The following SH3D19 variants were observed in gnomAD, a reference collection of about 807,000 sequenced individuals.
SH3D19 encodes SH3 domain containing 19, also known as SH3 domain-containing protein 19.
A neutral mutation model predicts 112.1 loss-of-function variants in SH3D19; 58 were observed. That is an observed-to-expected ratio of 0.52 (90% confidence interval 0.42 to 0.64). The LOEUF (loss-of-function observed/expected upper bound fraction) is 0.64. Ranked by LOEUF, SH3D19 falls within the 30% of genes least tolerant of loss-of-function variation. The pLI, the probability that SH3D19 is intolerant of heterozygous loss-of-function variation, is 0.00. For missense variants in SH3D19, 1,090 were observed against 1,263.4 expected, an observed-to-expected ratio of 0.86 and a Z score of 2.08; for synonymous variants, 391 against 448.5, an observed-to-expected ratio of 0.87 and a Z score of 1.62.
chr4:151,189,018 T>C (rs1037927307), intron 2 of SH3D19, among the ~76,000 whole-genome samples: 5 of 152,200 alleles, frequency 3.3e-5, no homozygotes, highest in Non-Finnish European at 5.9e-5. Context: ...AAATCACCTA[T>C]GAGTTTCAGA....
chr4:151,196,545 A>G (rs1763494254), intron 2 of SH3D19, among the ~76,000 whole-genome samples: 1 of 152,176 alleles, frequency 6.6e-6, no homozygotes, highest in Admixed American at 6.5e-5. Flanking sequence ...ACCTAGAAAA[A>G]TCTGCTATTT....
At chr4:151,146,626 G>C (rs1361296765) in intron 11 of SH3D19, among the ~76,000 whole-genome samples, 3 of 152,112 alleles carry the variant, frequency 2.0e-5, no homozygotes, top group Admixed American at 2.0e-4. Flanking sequence ...TCTGCCTCCC[G>C]GGTTCAAGCA....
chr4:151,135,066 A>G lies in SH3D19; in HGVS notation c.2486+8T>C, dbSNP rs2149744735. The G allele has an allele frequency of 1.3e-6, 2 of 1,591,016 alleles. No homozygotes were observed. Among genetic ancestry groups the G allele is most frequent in the East Asian group, 2.3e-5 (1 of 44,030 alleles). ...TATTTTGTGTAAAAGAACACAAATA[A>G]AACTTACTTAACACAATGAGATGAA... On this transcript the variant is annotated splice_region_variant and intron_variant, in intron 15 of 19. Coordinates refer to ENST00000604030, the MANE Select transcript of SH3D19 (RefSeq NM_001378122.1).
intron 2 of SH3D19, among the ~76,000 whole-genome samples, chr4:151,209,705 A>G (rs761269770): frequency 1.3e-5 from 2 of 152,230 alleles, no homozygotes; most frequent in Non-Finnish European, 2.9e-5. Context: ...TTGGGCACAG[A>G]CAGTCCAGAT....
chr4:151,145,492 C>A (rs550402554), intron 11 of SH3D19, among the ~76,000 whole-genome samples: 1 of 152,298 alleles, frequency 6.6e-6, no homozygotes, highest in Admixed American at 6.5e-5. Context: ...CGCAAGAGAA[C>A]AACCCCCTTT....
chr4:151,277,886 C>T (rs966096943), intron 1 of SH3D19, among the ~76,000 whole-genome samples: 2 of 152,076 alleles, frequency 1.3e-5, no homozygotes, highest in South Asian at 2.1e-4. Flanking sequence ...ACAAAAAATA[C>T]AAAAATTAGC....
At chr4:151,224,679 G>C (rs1233420351) in intron 2 of SH3D19, among the ~76,000 whole-genome samples, 2 of 152,104 alleles carry the variant, frequency 1.3e-5, no homozygotes, top group Non-Finnish European at 2.9e-5. Context: ...AGTTAAGCAT[G>C]CTGTCAAAGT....
At chr4:151,129,166 C>G (rs1357137747) in intron 17 of SH3D19, among the ~76,000 whole-genome samples, 2 of 152,110 alleles carry the variant, frequency 1.3e-5, no homozygotes, top group East Asian at 3.9e-4. Flanking sequence ...TAGCACAGAA[C>G]TTCATCAATT....
chr4:151,158,453 C>T (rs1267255637), intron 9 of SH3D19, among the ~76,000 whole-genome samples: 1 of 152,012 alleles, frequency 6.6e-6, no homozygotes, highest in Non-Finnish European at 1.5e-5. Context: ...GCACACGACA[C>T]CACGTCCGGC....
chr4:151,259,489 CCA>C (rs1178431940), intron 1 of SH3D19: 3 of 152,274 alleles, frequency 2.0e-5, no homozygotes, highest in African/African-American at 7.2e-5. Flanking sequence ...TGTGGGCGGC[CCA>C]CAGTCTCATC....
intron 2 of SH3D19, among the ~76,000 whole-genome samples, chr4:151,216,398 C>A (rs1410504085): frequency 1.3e-5 from 2 of 152,100 alleles, no homozygotes; most frequent in South Asian, 2.1e-4. Context: ...AAAACCATAA[C>A]CTAAGGATAG....
At chr4:151,239,142 C>A (rs1481715667) in intron 1 of SH3D19, among the ~76,000 whole-genome samples, 5 of 152,210 alleles carry the variant, frequency 3.3e-5, no homozygotes, top group Non-Finnish European at 7.3e-5. Flanking sequence ...AAATAATGCC[C>A]TCCACCTCGA....
At chr4:151,197,735 T>C (rs1324255566) in intron 2 of SH3D19, among the ~76,000 whole-genome samples, 2 of 110,300 alleles carry the variant, frequency 1.8e-5, no homozygotes, top group African/African-American at 5.8e-5. Context: ...CTCCATTCTT[T>C]ATGCGATTAA....
intron 1 of SH3D19, among the ~76,000 whole-genome samples, chr4:151,252,652 G>A (rs1303834920): frequency 6.6e-6 from 1 of 152,092 alleles, no homozygotes; most frequent in Non-Finnish European, 1.5e-5. Context: ...CCTAGTTTGG[G>A]CCAAGTCTCC....
chr4:151,244,864 T>C (rs192839303), intron 1 of SH3D19, among the ~76,000 whole-genome samples: 201 of 152,212 alleles, frequency 1.3e-3, no homozygotes, highest in African/African-American at 4.6e-3. Flanking sequence ...ATAAAAATAA[T>C]TGGGTGCAGT....
At chr4:151,157,946 A>C (rs1579852168) in intron 9 of SH3D19, among the ~76,000 whole-genome samples, 1 of 152,198 alleles carries the variant, frequency 6.6e-6, no homozygotes, top group Admixed American at 6.5e-5. Flanking sequence ...GAAGGGTAGA[A>C]AGAAGGGAGA....
At chr4:151,237,978 TAATA>T (rs1770260047) in intron 1 of SH3D19, among the ~76,000 whole-genome samples, 1 of 152,158 alleles carries the variant, frequency 6.6e-6, no homozygotes, top group Non-Finnish European at 1.5e-5. Context: ...TAATGAAAAT[TAATA>T]AATCTGATTT....
chr4:151,238,563 T>A (rs1022557739), intron 1 of SH3D19, among the ~76,000 whole-genome samples: 1 of 152,074 alleles, frequency 6.6e-6, no homozygotes, highest in Admixed American at 6.5e-5. Context: ...TGAACAAATA[T>A]CAGAAACTGC....
At chr4:151,248,797 G>GTAAACAAAA (rs1771138241) in intron 1 of SH3D19, among the ~76,000 whole-genome samples, 2 of 151,824 alleles carry the variant, frequency 1.3e-5, no homozygotes, top group Non-Finnish European at 2.9e-5. Context: ...TCCCTGCCTG[G>GTAAACAAAA]CACCCCCTTG....
Sources: allele counts gnomAD v4.1 joint callset (sites outside exome capture counted in the v4.1 genomes callset), GRCh38; gene constraint gnomAD v4.1.1; transcripts MANE v1.5; gene names NCBI Gene and HGNC (gene_info 2026-07-23, HGNC 2026-07-21).